Variants in ADAMTS12 observed in about 807,000 individuals in gnomAD.
ADAMTS12 encodes A disintegrin and metalloproteinase with thrombospondin motifs 12.
ADAMTS12 carries 118 observed loss-of-function variants against 167.8 expected under a neutral mutation model. The ratio of observed to expected loss-of-function variants is 0.70; its 90% CI spans 0.61 to 0.82. The LOEUF is 0.82. Among genes scored for constraint, ADAMTS12 ranks in the 40% least tolerant of loss-of-function variants. ADAMTS12 has a pLI of 0.00. For missense variants in ADAMTS12, 1,916 were observed against 1,998.8 expected (o/e 0.96, Z 0.79); for synonymous variants, 704 against 716.9 (o/e 0.98, Z 0.29).
chr5:33,630,692 G>A (rs985155515), intron 13 of ADAMTS12, 88 bp downstream of exon 13: 37 of 1,438,018 alleles, frequency 2.6e-5, no homozygotes, highest in Non-Finnish European at 3.5e-5. Flanking sequence ...TAAATGCTGT[G>A]AAAGCACAAA....
Position 33,588,940 on chromosome 5 carries a change from A to G in ADAMTS12, c.2655-131T>C, listed in dbSNP as rs919516794. 5.7e-5 allele frequency: 63 copies of G among 1,111,682 alleles called. No individual in the cohort carries two copies. In the African/African-American group the frequency reaches 8.5e-4, roughly 15 times the overall value. The allele number at this position is 1,111,682 out of a possible 1,614,324, so 68.9% of individuals were successfully genotyped here. A position where few individuals can be genotyped will look rare whatever the true frequency, so the allele number is the denominator to read the frequency against. ...GGCCATGGAGACACTCCAACCCACTAGGGGGCGTGCTGCAGACAGGGCCAC... is the reference window on the plus strand; with the variant it reads ...GGCCATGGAGACACTCCAACCCACTGGGGGGCGTGCTGCAGACAGGGCCAC... On this transcript the variant is annotated intron_variant, in intron 17 of 23. Transcript: ENST00000504830.
chr5:33,836,926 T>TC (rs1748549293), intron 2 of ADAMTS12, among the ~76,000 whole-genome samples: 1 of 149,478 alleles, frequency 6.7e-6, no homozygotes, highest in East Asian at 2.2e-4. Context: ...TTTTTTTTTT[T>TC]TCTTTACAGG....
At chr5:33,636,097 A>G (rs373855048) in intron 12 of ADAMTS12, among the ~76,000 whole-genome samples, 3 of 152,300 alleles carry the variant, frequency 2.0e-5, no homozygotes, top group South Asian at 2.1e-4. Context: ...TTGCAAACAA[A>G]TGAAAAGCAA....
chr5:33,614,235 C>T lies in ADAMTS12; in HGVS notation c.2527+3G>A. ...CTTCATAGTGAGAGCAGCTGTTTCT[C>T]ACCTGTCCCGCAGGTCACACTGCAC... is the stretch of plus-strand genomic sequence containing the variant. On this transcript the variant is annotated splice_donor_region_variant and intron_variant, in intron 16 of 23. Coordinates refer to ENST00000504830, the MANE Select transcript of ADAMTS12 (RefSeq NM_030955.4). 2 of 1,613,248 alleles carry T rather than the reference C, an allele frequency of 1.2e-6. No individual in the cohort carries two copies. The highest frequency in any genetic ancestry group is 1.1e-5 in the South Asian group (1 of 90,988).
At chr5:33,759,475 A>G (rs994280322) in intron 2 of ADAMTS12, among the ~76,000 whole-genome samples, 8 of 152,204 alleles carry the variant, frequency 5.3e-5, no homozygotes, top group African/African-American at 1.9e-4. Flanking sequence ...TAAAATGACC[A>G]TGACAAAATG....
At chr5:33,662,185 C>A in intron 5 of ADAMTS12, 145 bp from the exon 6 acceptor site, 1 of 968,206 alleles carries the variant, frequency 1.0e-6, no homozygotes, top group Non-Finnish European at 1.5e-6. Context: ...TGGCAGAGGC[C>A]AACTGACTCC....
chr5:33,570,652 G>A (rs934296631), intron 19 of ADAMTS12, among the ~76,000 whole-genome samples: 3 of 152,044 alleles, frequency 2.0e-5, no homozygotes, highest in Admixed American at 6.5e-5. Context: ...ATGCCAAAAT[G>A]TAAAGACCAT....
chr5:33,667,324 A>T (rs1741510838), intron 5 of ADAMTS12, among the ~76,000 whole-genome samples: 1 of 151,416 alleles, frequency 6.6e-6, no homozygotes, highest in Admixed American at 6.6e-5. Context: ...TCTCAAAAAA[A>T]AAAAAAAAAA....
intron 19 of ADAMTS12, among the ~76,000 whole-genome samples, chr5:33,568,611 C>T (rs1056626983): frequency 2.6e-5 from 4 of 152,222 alleles, no homozygotes; most frequent in African/African-American, 7.2e-5. Context: ...CACTTACCTA[C>T]TCATCAGGAC....
intron 3 of ADAMTS12, among the ~76,000 whole-genome samples, chr5:33,709,656 T>A (rs7705604): frequency 6.6e-6 from 1 of 151,732 alleles, no homozygotes; most frequent in African/African-American, 2.4e-5. Context: ...GCTGAACACT[T>A]GGAACACATG....
chr5:33,700,650 A>G (rs988056565), intron 3 of ADAMTS12, among the ~76,000 whole-genome samples: 9 of 152,242 alleles, frequency 5.9e-5, no homozygotes, highest in East Asian at 5.8e-4. Context: ...TTGCGATAAA[A>G]CCATACAGAA....
chr5:33,780,486 A>G (rs185351897), intron 2 of ADAMTS12, among the ~76,000 whole-genome samples: 184 of 152,310 alleles, frequency 1.2e-3, no homozygotes, highest in Non-Finnish European at 8.1e-4. Context: ...CCACCTCTCA[A>G]TAAAAACCAG....
At chr5:33,603,560 G>A (rs963317218) in intron 16 of ADAMTS12, 3 of 152,208 alleles carry the variant, frequency 2.0e-5, no homozygotes, top group Non-Finnish European at 4.4e-5. Context: ...AAATGCCGCT[G>A]AGGGGAGAGA....
At chr5:33,630,976 G>A (rs1482890332) in intron 12 of ADAMTS12, 63 bp from the exon 13 acceptor site, 2 of 1,589,476 alleles carry the variant, frequency 1.3e-6, no homozygotes, top group Non-Finnish European at 1.7e-6. Flanking sequence ...CCTCCCCCAG[G>A]ATTCCTCCGT....
At chr5:33,826,470 G>A (rs890999288) in intron 2 of ADAMTS12, among the ~76,000 whole-genome samples, 3 of 151,998 alleles carry the variant, frequency 2.0e-5, no homozygotes, top group Non-Finnish European at 2.9e-5. Flanking sequence ...ATGCATACAT[G>A]TATGTATGAA....
intron 16 of ADAMTS12, among the ~76,000 whole-genome samples, chr5:33,598,566 A>G (rs2112042620): frequency 6.6e-6 from 1 of 152,326 alleles, no homozygotes; most frequent in Non-Finnish European, 1.5e-5. Context: ...CATCTCTTAC[A>G]TTTTAAAAGT....
intron 5 of ADAMTS12, among the ~76,000 whole-genome samples, chr5:33,679,018 T>A (rs921172887): frequency 6.6e-6 from 1 of 152,148 alleles, no homozygotes; most frequent in South Asian, 2.1e-4. Flanking sequence ...CCTCTGCAAC[T>A]GAAAGGATGA....
intron 2 of ADAMTS12, among the ~76,000 whole-genome samples, chr5:33,808,063 A>T (rs186968011): frequency 6.6e-6 from 1 of 152,338 alleles, no homozygotes; most frequent in Non-Finnish European, 1.5e-5. Flanking sequence ...TGATTCTTCA[A>T]AGTTCTCAAG....
chr5:33,677,293 T>A (rs1344209022), intron 5 of ADAMTS12, among the ~76,000 whole-genome samples: 3 of 152,186 alleles, frequency 2.0e-5, no homozygotes, highest in African/African-American at 7.2e-5. Context: ...ACAAGCCAGA[T>A]ACTATGCTAA....
Sources: gnomAD v4.1 joint callset for allele counts (sites outside exome capture counted in the v4.1 genomes callset) on GRCh38, gnomAD v4.1.1 for gene constraint, MANE v1.5 for transcripts, NCBI Gene and HGNC (gene_info 2026-07-23, HGNC 2026-07-21) for gene names.